FLI1: variants seen among roughly 807,000 people sequenced by gnomAD.
The protein encoded by FLI1 is Fli-1 proto-oncogene, ETS transcription factor.
FLI1 carries 13 observed loss-of-function variants against 53.1 expected under a neutral mutation model. That is an observed-to-expected ratio of 0.24 (90% confidence interval 0.16 to 0.39). The LOEUF is 0.39. Among genes scored for constraint, FLI1 ranks in the 10% least tolerant of loss-of-function variants. The pLI is 1.00. For missense variants in FLI1, 424 were observed against 600.5 expected (o/e 0.71, Z 3.07); for synonymous variants, 244 against 236.7 (o/e 1.03, Z -0.28).
At chr11:128,760,639 T>A (rs564072163) in intron 2 of FLI1, among the ~76,000 whole-genome samples, 1 of 151,762 alleles carries the variant, frequency 6.6e-6, no homozygotes, top group East Asian at 1.9e-4. Flanking sequence ...GCAATTCTCT[T>A]GCCTCAGCCT....
chr11:128,802,317 T>G (rs972521217), intron 5 of FLI1, among the ~76,000 whole-genome samples: 1 of 152,110 alleles, frequency 6.6e-6, no homozygotes. Context: ...GCCTACGGAG[T>G]GCTTTTGTTA....
At position 128,772,941 on chromosome 11, in the gene FLI1, A is replaced by G. The variant is rs1398999055; in HGVS notation, c.545A>G (p.Tyr182Cys). ...KEDFLRATTL[Y>C]NTEVLLSHLS... is the part of the protein sequence containing the mutation. ...GACTTCCTCCGCGCCACCACCCTCT[A>G]CAACACGGAAGTGCTGTTGTCACAC... Residue 182 changes from tyrosine (Y) to cysteine (C), a missense_variant, in exon 4 of 9, where the codon TAC (tyrosine) becomes TGC (cysteine). Around this residue, in one of 5 missense-constraint regions of FLI1, gnomAD observed 114 missense variants for 117.9 expected, o/e 0.97. Coordinates refer to ENST00000527786, the MANE Select transcript of FLI1 (RefSeq NM_002017.5). 1 of 1,614,016 alleles carries G rather than the reference A, an allele frequency of 6.2e-7. No individual in the cohort carries two copies. The highest frequency in any genetic ancestry group is 8.5e-7 in the Non-Finnish European group (1 of 1,179,898).
chr11:128,781,584 C>T (rs185490503), intron 4 of FLI1, among the ~76,000 whole-genome samples: 2 of 152,322 alleles, frequency 1.3e-5, no homozygotes, highest in Admixed American at 1.3e-4. Context: ...CCAACTGTCA[C>T]ATGGTGAGTT....
At chr11:128,801,150 C>T (rs952416705) in intron 5 of FLI1, among the ~76,000 whole-genome samples, 2 of 152,238 alleles carry the variant, frequency 1.3e-5, no homozygotes, top group Non-Finnish European at 2.9e-5. Context: ...CCAGGCACCA[C>T]ATTCGAGAGG....
intron 1 of FLI1, among the ~76,000 whole-genome samples, chr11:128,699,479 T>G (rs1322269412): frequency 6.6e-6 from 1 of 152,198 alleles, no homozygotes; most frequent in East Asian, 1.9e-4. Flanking sequence ...AACACACACC[T>G]ACACACACAA....
intron 1 of FLI1, among the ~76,000 whole-genome samples, chr11:128,726,127 C>A (rs1565468403): frequency 6.6e-6 from 1 of 152,142 alleles, no homozygotes; most frequent in Non-Finnish European, 1.5e-5. Flanking sequence ...GGTCCGGTCT[C>A]CCCTCTCCAT....
At chr11:128,711,930 A>G (rs973348512) in intron 1 of FLI1, among the ~76,000 whole-genome samples, 1 of 152,152 alleles carries the variant, frequency 6.6e-6, no homozygotes, top group Non-Finnish European at 1.5e-5. Flanking sequence ...TTTTTAAAAA[A>G]ATTTTATTTT....
intron 7 of FLI1, 145 bp from the exon 8 acceptor site, chr11:128,809,012 C>A: frequency 1.7e-6 from 1 of 580,272 alleles, no homozygotes; most frequent in South Asian, 2.5e-5. Flanking sequence ...TTGAGATCTG[C>A]AAATAAAAGC....
intron 2 of FLI1, among the ~76,000 whole-genome samples, chr11:128,765,252 GTTTC>G (rs1941292971): frequency 6.6e-6 from 1 of 152,132 alleles, no homozygotes; most frequent in Non-Finnish European, 1.5e-5. Context: ...TTGGGGAAAT[GTTTC>G]TTTCAGCTTT....
intron 1 of FLI1, among the ~76,000 whole-genome samples, chr11:128,751,351 T>C (rs1287509462): frequency 6.9e-6 from 1 of 145,024 alleles, no homozygotes; most frequent in Non-Finnish European, 1.5e-5. Context: ...ATTAAAATTT[T>C]TTTTAACTTT....
chr11:128,727,518 G>A (rs1939532482), intron 1 of FLI1, among the ~76,000 whole-genome samples: 1 of 152,214 alleles, frequency 6.6e-6, no homozygotes, highest in Non-Finnish European at 1.5e-5. Flanking sequence ...CAGAGCCCAA[G>A]GGCCAGGTCT....
At chr11:128,789,384 G>A (rs1476744706) in intron 5 of FLI1, among the ~76,000 whole-genome samples, 1 of 152,170 alleles carries the variant, frequency 6.6e-6, no homozygotes, top group South Asian at 2.1e-4. Context: ...AGGGACTTGT[G>A]TCAAAATCAT....
intron 2 of FLI1, among the ~76,000 whole-genome samples, chr11:128,760,473 G>A (rs528015388): frequency 6.6e-6 from 1 of 150,956 alleles, no homozygotes; most frequent in African/African-American, 2.4e-5. Context: ...CTTCTCCAAG[G>A]AGCTCCCAAT....
At chr11:128,774,949 G>C (rs1405551022) in intron 4 of FLI1, among the ~76,000 whole-genome samples, 1 of 152,204 alleles carries the variant, frequency 6.6e-6, no homozygotes, top group Non-Finnish European at 1.5e-5. Context: ...AGGTGCAGAG[G>C]ATGGCATTTT....
chr11:128,707,362 A>G (rs550807148), intron 1 of FLI1, among the ~76,000 whole-genome samples: 1 of 152,340 alleles, frequency 6.6e-6, no homozygotes, highest in East Asian at 1.9e-4. Context: ...TCTTTCTCAA[A>G]TACGGTCTTT....
At chr11:128,735,165 T>C (rs73571701) in intron 1 of FLI1, among the ~76,000 whole-genome samples, 3,480 of 152,364 alleles carry the variant, frequency 0.023, 140 homozygotes, top group African/African-American at 0.079. Context: ...AAGGCTCCTA[T>C]TAAGATCAAT....
chr11:128,744,070 A>C (rs1940264736), intron 1 of FLI1, among the ~76,000 whole-genome samples: 1 of 152,278 alleles, frequency 6.6e-6, no homozygotes, highest in East Asian at 1.9e-4. Flanking sequence ...TGTAGAGACC[A>C]GGCTGTCCTC....
chr11:128,718,073 A>G (rs970973739), intron 1 of FLI1, among the ~76,000 whole-genome samples: 1 of 152,244 alleles, frequency 6.6e-6, no homozygotes, highest in African/African-American at 2.4e-5. Flanking sequence ...AGAAAACTCT[A>G]CACTTGGAAT....
At chr11:128,736,867 G>C (rs1382409501) in intron 1 of FLI1, among the ~76,000 whole-genome samples, 1 of 152,094 alleles carries the variant, frequency 6.6e-6, no homozygotes, top group African/African-American at 2.4e-5. Flanking sequence ...GGAGAACCAT[G>C]AACAAGACAA....
Sources: allele counts gnomAD v4.1 joint callset (sites outside exome capture counted in the v4.1 genomes callset), GRCh38; gene constraint gnomAD v4.1.1; regional missense constraint gnomAD v4.1.1; transcripts MANE v1.5; gene names NCBI Gene and HGNC (gene_info 2026-07-23, HGNC 2026-07-21).